Variants in HTT observed in about 807,000 individuals in gnomAD.
HTT encodes huntingtin.
A neutral mutation model predicts 362.3 loss-of-function variants in HTT; 104 were observed. The observed-to-expected ratio is 0.29, with a 90% CI of 0.24 to 0.34. The LOEUF (loss-of-function observed/expected upper bound fraction) is 0.34. HTT is among the 10% of genes least tolerant of loss of function. The probability of loss-of-function intolerance (pLI) is 1.00; values close to 1 mark genes in which losing one functional copy is unlikely to be tolerated. For synonymous variants in HTT, 1,577 were observed against 1,548.7 expected, an observed-to-expected ratio of 1.02 and a Z score of -0.43; for missense variants, 3,301 against 3,928.6, an observed-to-expected ratio of 0.84 and a Z score of 4.27.
At chr4:3,189,226 C>T in intron 40 of HTT, 133 bp downstream of exon 40, 2 of 879,424 alleles carry the variant, frequency 2.3e-6, no homozygotes, top group Non-Finnish European at 3.5e-6. Context: ...ATATTTGTTG[C>T]TGTAAGAGTA....
intron 9 of HTT, among the ~76,000 whole-genome samples, chr4:3,122,416 C>G (rs1715338356): frequency 6.6e-6 from 1 of 152,250 alleles, no homozygotes; most frequent in African/African-American, 2.4e-5. Context: ...TAGAGAGAAT[C>G]TGACTGAAGT....
chr4:3,238,256 T>G (rs1721636462), intron 64 of HTT, among the ~76,000 whole-genome samples, 191 bp from the exon 65 acceptor site: 1 of 152,208 alleles, frequency 6.6e-6, no homozygotes, highest in Non-Finnish European at 1.5e-5. Flanking sequence ...GCCTTTTTAG[T>G]CTCAAAATTC....
chr4:3,153,330 A>G (rs1716989610), intron 26 of HTT, among the ~76,000 whole-genome samples: 1 of 152,188 alleles, frequency 6.6e-6, no homozygotes, highest in African/African-American at 2.4e-5. Flanking sequence ...GGGGGACTAT[A>G]GACATTGAAA....
At chr4:3,205,226 T>C (rs1189412310) in intron 42 of HTT, among the ~76,000 whole-genome samples, 1 of 152,186 alleles carries the variant, frequency 6.6e-6, no homozygotes, top group South Asian at 2.1e-4. Context: ...TAGATTTTGG[T>C]CTAGATTTAA....
rs363072 is a variant in HTT at position 3,140,801 on chromosome 4, A to T, written c.2945+145A>T. Reference sequence around the variant, plus strand: ...GAGTGTAGGTCAGTCCTTTGATAGGATATTATCATTTTGAGGATTGACCAC... The same window carrying T: ...GAGTGTAGGTCAGTCCTTTGATAGGTTATTATCATTTTGAGGATTGACCAC... On this transcript the variant is annotated intron_variant, in intron 22 of 66. Coordinates refer to ENST00000355072, the MANE Select transcript of HTT (RefSeq NM_001388492.1). 0.14 allele frequency: 98,316 copies of T among 697,374 alleles called. 8,133 individuals are homozygous for T. The highest frequency in any genetic ancestry group is 0.27 in the African/African-American group (15,240 of 55,430). The allele number at this position is 697,374 out of a possible 1,614,324, so 43.2% of individuals were successfully genotyped here. A position where few individuals can be genotyped will look rare whatever the true frequency, so the allele number is the denominator to read the frequency against.
intron 42 of HTT, among the ~76,000 whole-genome samples, chr4:3,205,183 C>T (rs1336625376): frequency 6.6e-6 from 1 of 152,068 alleles, no homozygotes; most frequent in East Asian, 1.9e-4. Flanking sequence ...ATAAAACCTC[C>T]TGTAATCATA....
chr4:3,210,199 T>G (rs762472238), intron 47 of HTT, among the ~76,000 whole-genome samples: 3 of 152,150 alleles, frequency 2.0e-5, no homozygotes, highest in Non-Finnish European at 4.4e-5. Context: ...TCAGCCACAT[T>G]AGAATCCACG....
At position 3,214,125 on chromosome 4, in the gene HTT, C is replaced by T. The variant is rs770731933; in HGVS notation, c.6942C>T (p.Ile2314=). The change falls in exon 50 of 67, where the codon ATC becomes ATT. Residue 2314 remains isoleucine, a synonymous_variant. Transcript: ENST00000355072. ...ACSLIYCVHF[I]LEAVAVQPGE... ...CCCTCATCTACTGTGTGCACTTCAT[C>T]CTGGAGGCCGGTGAGTCCCCGTCCA... The T allele has an allele frequency of 1.3e-6, 2 of 1,516,676 alleles. No individual in the cohort carries two copies. Among genetic ancestry groups the T allele is most frequent in the Non-Finnish European group, 1.8e-6 (2 of 1,120,894 alleles). 94.0% of individuals were successfully genotyped at this position (1,516,676 alleles called of 1,614,324 possible).
rs1381278950 is a variant in HTT, at chr4:3,238,459, C to T, written c.8904C>T (p.Gly2968=). The change falls in exon 65 of 67, where the codon GGC becomes GGT. Residue 2968 remains glycine (G), a synonymous_variant. Transcript: ENST00000355072. ...TCCCTCCTCCCAGGATCAGGAAAGG[C>T]TTTCCTTGTGAAGCCAGAGTGGTGG... ...VSVLFDRIRK[G]FPCEARVVAR... 1 of 1,610,684 alleles carries T rather than the reference C, an allele frequency of 6.2e-7. No homozygotes were observed. The highest frequency in any genetic ancestry group is 8.5e-7 in the Non-Finnish European group (1 of 1,178,422).
chr4:3,233,215 G>A lies in HTT; in HGVS notation c.8318G>A (p.Ser2773Asn). The A allele has an allele frequency of 6.2e-7, 1 of 1,602,058 alleles. No homozygotes were observed. The change falls in exon 61 of 67, where the codon AGC becomes AAC. Residue 2773 changes from serine (S) to asparagine (N), a missense_variant. Transcript: ENST00000355072. ...VSRLLESTLR[S>N]SHLPSRVGAL... ...CGCCTGCTGGAGAGCACGCTCAGGA[G>A]CAGCCACCTGCCCAGCAGGGTTGGA...
At chr4:3,076,836 T>TA (rs1712579494) in intron 1 of HTT, among the ~76,000 whole-genome samples, 1 of 152,256 alleles carries the variant, frequency 6.6e-6, no homozygotes, top group East Asian at 1.9e-4. Flanking sequence ...ACAAAGGAGA[T>TA]AGATTTTGTT....
At chr4:3,102,084 T>C (rs974573191) in intron 3 of HTT, among the ~76,000 whole-genome samples, 1 of 152,072 alleles carries the variant, frequency 6.6e-6, no homozygotes, top group Non-Finnish European at 1.5e-5. Flanking sequence ...CAGGGGAGTG[T>C]ATCATTTAGG....
chr4:3,079,318 A>G (rs1409669347), intron 1 of HTT, among the ~76,000 whole-genome samples: 1 of 142,994 alleles, frequency 7.0e-6, no homozygotes, highest in East Asian at 2.0e-4. Context: ...ATGCAGTATC[A>G]CTATCGTAGC....
chr4:3,085,013 C>CG lies in HTT; in HGVS notation c.264-1921dup, dbSNP rs1375242789. 6.1e-5 allele frequency among the ~76,000 whole-genome samples: 9 copies of CG among 147,092 alleles called. No homozygotes were observed. In the South Asian group the frequency reaches 6.4e-4, roughly 10 times the overall value. On this transcript the variant is annotated intron_variant, in intron 1 of 66. Transcript: ENST00000355072. ...TGGGCGACAGAGCAAGACTCCGTCT[C>CG]GGGGGAAAAAAAAAAATAAATAAAT...
chr4:3,153,098 C>G (rs528286601), intron 26 of HTT, among the ~76,000 whole-genome samples: 5 of 152,230 alleles, frequency 3.3e-5, no homozygotes, highest in African/African-American at 1.2e-4. Flanking sequence ...GTGGCTTCAA[C>G]AACAGAATTT....
chr4:3,093,058 C>T (rs1270725944), intron 2 of HTT, among the ~76,000 whole-genome samples: 1 of 152,104 alleles, frequency 6.6e-6, no homozygotes. Context: ...TGGAAGAATA[C>T]CAGGGAAGAG....
intron 21 of HTT, among the ~76,000 whole-genome samples, chr4:3,136,900 A>G (rs938688559): frequency 2.0e-5 from 3 of 151,238 alleles, no homozygotes; most frequent in Non-Finnish European, 4.4e-5. Flanking sequence ...AAGTTGAGTT[A>G]CCAGGCCCGG....
At chr4:3,090,038 A>G (rs548689361) in intron 2 of HTT, among the ~76,000 whole-genome samples, 5 of 152,336 alleles carry the variant, frequency 3.3e-5, no homozygotes, top group African/African-American at 1.2e-4. Context: ...GTGATATTTT[A>G]TGTAAATATG....
rs1560559195 is a variant in HTT, at chr4:3,127,469, G to T, written c.1608G>T (p.Gln536His). The T allele has an allele frequency of 6.2e-7, 1 of 1,614,150 alleles. No individual in the cohort carries two copies. The highest frequency in any genetic ancestry group is 2.2e-5 in the East Asian group (1 of 44,876). The change falls in exon 12 of 67, where the codon CAG (glutamine) becomes CAT (histidine). Residue 536 changes from glutamine to histidine, a missense_variant. This residue lies in a region of HTT where 2,316 missense variants were observed against 2,658.5 expected (regional missense o/e 0.87). Transcript: ENST00000355072. ...ATATCTTGAGCCACAGCTCCAGCCA[G>T]GTCAGCGCCGTCCCATCTGACCCTG... is the stretch of plus-strand genomic sequence containing the variant. ...EEDILSHSSS[Q>H]VSAVPSDPAM...
Sources: allele counts gnomAD v4.1 joint callset (sites outside exome capture counted in the v4.1 genomes callset), GRCh38; gene constraint gnomAD v4.1.1; regional missense constraint gnomAD v4.1.1; transcripts MANE v1.5; gene names NCBI Gene and HGNC (gene_info 2026-07-23, HGNC 2026-07-21).